Variants in SOCS5 observed in about 807,000 individuals in gnomAD.
The protein encoded by SOCS5 is CIS-6.
SOCS5 carries 32 observed loss-of-function variants against 42.8 expected under a neutral mutation model. That is an observed-to-expected ratio of 0.75 (90% CI 0.56 to 1.01). The LOEUF is 1.01. Among genes scored for constraint, SOCS5 ranks in the 50% least tolerant of loss-of-function variants. The pLI is 0.00. For synonymous variants in SOCS5, 283 were observed against 229.6 expected, an observed-to-expected ratio of 1.23 and a Z score of -2.10; for missense variants, 627 against 653.0, an observed-to-expected ratio of 0.96 and a Z score of 0.43.
At chr2:46,726,992 G>C (rs1349522022) in intron 1 of SOCS5, among the ~76,000 whole-genome samples, 1 of 151,884 alleles carries the variant, frequency 6.6e-6, no homozygotes, top group African/African-American at 2.4e-5. Flanking sequence ...CCGATCTCAG[G>C]TGATCCGCCC....
intron 1 of SOCS5, among the ~76,000 whole-genome samples, chr2:46,702,033 C>G (rs1428103163): frequency 6.6e-6 from 1 of 151,890 alleles, no homozygotes; most frequent in African/African-American, 2.4e-5. Flanking sequence ...CCAGCCCCTT[C>G]ACATGATCTT....
In SOCS5 at chr2:46,728,049, C is replaced by T. The variant is rs1246837790; in HGVS notation, c.-13+28600C>T. On this transcript the variant is annotated intron_variant, in intron 1 of 1. Transcript: ENST00000394861. ...GTTTTAGGTACCTGTGGGCGCCTAA[C>T]TGTTAACTGCCAGGATCCTTTTCCC... is the stretch of plus-strand genomic sequence containing the variant. 2.6e-5 allele frequency among the ~76,000 whole-genome samples: 4 copies of T among 152,130 alleles called. No homozygotes were observed. In the South Asian group the frequency reaches 6.2e-4, roughly 24 times the overall value.
chr2:46,748,626 T>C (rs1673560395), intron 1 of SOCS5, among the ~76,000 whole-genome samples: 1 of 152,190 alleles, frequency 6.6e-6, no homozygotes, highest in African/African-American at 2.4e-5. Flanking sequence ...TTTTTAGAGC[T>C]AAAATTTGGC....
chr2:46,716,653 C>G (rs1196274508), intron 1 of SOCS5, among the ~76,000 whole-genome samples: 1 of 151,924 alleles, frequency 6.6e-6, no homozygotes, highest in East Asian at 1.9e-4. Flanking sequence ...AATATTTTGA[C>G]TTTTTTGTGC....
intron 1 of SOCS5, among the ~76,000 whole-genome samples, chr2:46,738,377 C>G (rs887266547): frequency 1.3e-5 from 2 of 152,144 alleles, no homozygotes; most frequent in African/African-American, 2.4e-5. Flanking sequence ...AAAAAAGAAA[C>G]TGTTGAACTA....
At chr2:46,728,803 C>T (rs549861915) in intron 1 of SOCS5, among the ~76,000 whole-genome samples, 2 of 152,278 alleles carry the variant, frequency 1.3e-5, no homozygotes, top group South Asian at 2.1e-4. Context: ...GTGATTCGTC[C>T]ATCTTGGCCT....
chr2:46,749,712 T>C (rs978933429), intron 1 of SOCS5, among the ~76,000 whole-genome samples: 6 of 152,154 alleles, frequency 3.9e-5, no homozygotes, highest in African/African-American at 1.4e-4. Context: ...TACCCAGTAC[T>C]GTACAGATTA....
intron 1 of SOCS5, among the ~76,000 whole-genome samples, chr2:46,712,633 T>C (rs7570376): frequency 0.7 from 107,148 of 152,130 alleles, 38,846 homozygotes; most frequent in African/African-American, 0.86. Context: ...TGAGCCACTG[T>C]GCCCGGCCTG....
intron 1 of SOCS5, among the ~76,000 whole-genome samples, chr2:46,722,783 C>T (rs1051328016): frequency 6.6e-6 from 1 of 152,078 alleles, no homozygotes; most frequent in Non-Finnish European, 1.5e-5. Flanking sequence ...CTGAAAACAG[C>T]CCCACTCACA....
Position 46,740,953 on chromosome 2 carries a change from A to G in SOCS5, c.-12-17566A>G, listed in dbSNP as rs543590404. Among the ~76,000 whole-genome samples, 22 of 152,286 alleles carry G rather than the reference A, an allele frequency of 1.4e-4. 1 individual carries two copies. The South Asian group carries it at 3.9e-3, about 27-fold the overall frequency. ...AGAACCTTGCAACCAGAAGAGACTC[A>G]TAAATGAGTTGAAATTCATTAGTGA... is the stretch of plus-strand genomic sequence containing the variant. On this transcript the variant is annotated intron_variant, in intron 1 of 1. Transcript: ENST00000394861.
At chr2:46,718,074 A>T (rs1048372238) in intron 1 of SOCS5, among the ~76,000 whole-genome samples, 8 of 138,936 alleles carry the variant, frequency 5.8e-5, no homozygotes, top group African/African-American at 1.9e-4. Context: ...TATTTCCTCA[A>T]CTCAGTGAGA....
Position 46,759,398 on chromosome 2 carries a change from A to T in SOCS5, c.868A>T (p.Thr290Ser). 1 of 1,613,982 alleles carries T rather than the reference A, an allele frequency of 6.2e-7. No individual in the cohort carries two copies. Among genetic ancestry groups the T allele is most frequent in the Non-Finnish European group, 8.5e-7 (1 of 1,179,858 alleles). ...TGCACAAATACATACATTTGAAGCT[A>T]CTGCACAGGTTAATCCATTATATAA... ...PNAQIHTFEATAQVNPLYKLG... is the reference protein window; with the variant it reads ...PNAQIHTFEASAQVNPLYKLG... Residue 290 changes from threonine (T) to serine (S), a missense_variant, in exon 2 of 2, where the codon ACT (threonine) becomes TCT (serine). By Grantham distance (58) the Thr-to-Ser change is moderately conservative. Around this residue, in one of 3 missense-constraint regions of SOCS5, gnomAD observed 340 missense variants for 367.6 expected, o/e 0.92. Transcript: ENST00000394861.
chr2:46,738,306 A>T (rs894495615), intron 1 of SOCS5, among the ~76,000 whole-genome samples: 5 of 152,202 alleles, frequency 3.3e-5, no homozygotes, highest in Admixed American at 1.3e-4. Flanking sequence ...TGAGACAAAA[A>T]TCTGGACAAA....
At chr2:46,706,651 A>G (rs145817946) in intron 1 of SOCS5, among the ~76,000 whole-genome samples, 76 of 152,346 alleles carry the variant, frequency 5.0e-4, no homozygotes, top group African/African-American at 1.6e-3. Flanking sequence ...CGTTTAATAG[A>G]AAAGTCACCA....
rs1427601825 is a variant in SOCS5, at chr2:46,761,898, C to T, written c.*1757C>T. ...AGTAATAAACCTATTGATTTCTCTGCTTATAAATGAAAGATTGAAACTATC... is the reference window on the plus strand; with the variant it reads ...AGTAATAAACCTATTGATTTCTCTGTTTATAAATGAAAGATTGAAACTATC... On this transcript the variant is annotated 3_prime_UTR_variant, in exon 2 of 2. Coordinates refer to ENST00000394861, the MANE Select transcript of SOCS5 (RefSeq NM_144949.3). 2 of 166,916 alleles carry T rather than the reference C, an allele frequency of 1.2e-5. No individual in the cohort carries two copies. The highest frequency in any genetic ancestry group is 4.8e-5 in the African/African-American group (2 of 41,438). 10.3% of individuals were successfully genotyped at this position (166,916 alleles called of 1,614,324 possible).
At chr2:46,718,957 TAAG>T (rs1346200207) in intron 1 of SOCS5, among the ~76,000 whole-genome samples, 2 of 152,178 alleles carry the variant, frequency 1.3e-5, no homozygotes, top group African/African-American at 4.8e-5. Context: ...TATAAGGAAA[TAAG>T]AGATGCACAC....
chr2:46,699,259 C>G (rs1226344241), upstream of SOCS5: 1 of 151,870 alleles, frequency 6.6e-6, no homozygotes, highest in Non-Finnish European at 1.5e-5. This position sits in a 1 kb window ranked among gnomAD's most constrained non-coding sequence, Gnocchi z 4.8. Flanking sequence ...GGGGGCCTGG[C>G]GGGGGCATCC....
chr2:46,717,066 T>G (rs1030118852), intron 1 of SOCS5, among the ~76,000 whole-genome samples: 1 of 152,154 alleles, frequency 6.6e-6, no homozygotes, highest in Non-Finnish European at 1.5e-5. Flanking sequence ...CCTCATGGAG[T>G]TACACACCAC....
At chr2:46,734,269 A>C (rs1330111519) in intron 1 of SOCS5, among the ~76,000 whole-genome samples, 1 of 152,206 alleles carries the variant, frequency 6.6e-6, no homozygotes, top group East Asian at 1.9e-4. Flanking sequence ...TTGTATGAAT[A>C]AAAATTAAAG....
Sources: allele counts gnomAD v4.1 joint callset (sites outside exome capture counted in the v4.1 genomes callset), GRCh38; gene constraint gnomAD v4.1.1; regional missense constraint gnomAD v4.1.1; non-coding constraint Gnocchi (gnomAD v3.1); transcripts MANE v1.5; gene names NCBI Gene and HGNC (gene_info 2026-07-23, HGNC 2026-07-21).